CCDC3: variants seen among roughly 807,000 people sequenced by gnomAD.
CCDC3 encodes coiled-coil domain-containing protein 3.
A neutral mutation model predicts 21.4 loss-of-function variants in CCDC3; 24 were observed. The observed-to-expected ratio is 1.12, with a 90% confidence interval of 0.81 to 1.58. CCDC3 has a LOEUF of 1.58. Among genes scored for constraint, CCDC3 ranks in the 40% most tolerant of loss-of-function variants. The pLI, the probability that CCDC3 is intolerant of heterozygous loss-of-function variation, is 0.00. For missense variants in CCDC3, 425 were observed against 360.9 expected, an observed-to-expected ratio of 1.18 and a Z score of -1.44; for synonymous variants, 186 against 166.0, an observed-to-expected ratio of 1.12 and a Z score of -0.93.
intron 2 of CCDC3, among the ~76,000 whole-genome samples, chr10:12,920,742 G>C (rs919641779): frequency 6.6e-6 from 1 of 152,130 alleles, no homozygotes. Flanking sequence ...CATTCTCCCT[G>C]TTTTGTGGAT....
At chr10:13,048,511 C>G (rs181802786) in intron 5 of CCDC3, among the ~76,000 whole-genome samples, 1 of 152,070 alleles carries the variant, frequency 6.6e-6, no homozygotes, top group African/African-American at 2.4e-5. Flanking sequence ...AGTTTTTATT[C>G]TCCTTTTACA....
At chr10:12,938,245 T>A (rs1194331591) in intron 2 of CCDC3, among the ~76,000 whole-genome samples, 1 of 152,206 alleles carries the variant, frequency 6.6e-6, no homozygotes, top group Non-Finnish European at 1.5e-5. Context: ...TCTAACTGTA[T>A]CACCATCTAT....
intron 5 of CCDC3, among the ~76,000 whole-genome samples, chr10:13,038,556 G>A (rs1438451201): frequency 2.6e-5 from 4 of 152,150 alleles, no homozygotes; most frequent in Non-Finnish European, 5.9e-5. Context: ...AAATATATAG[G>A]ACTTGCTGAG....
intron 2 of CCDC3, among the ~76,000 whole-genome samples, chr10:12,910,636 G>A (rs1263721436): frequency 7.2e-6 from 1 of 139,382 alleles, no homozygotes; most frequent in African/African-American, 2.7e-5. Flanking sequence ...TTGACACAGA[G>A]TCTTGCTCTG....
At position 12,910,611 on chromosome 10, in the gene CCDC3, A is replaced by ATTTTT. The variant is rs11320030; in HGVS notation, c.550-11937_550-11933dup. Among the ~76,000 whole-genome samples, 991 of 105,186 alleles carry ATTTTT rather than the reference A, an allele frequency of 9.4e-3. 12 individuals carry two copies. The highest frequency in any genetic ancestry group is 0.03 in the Middle Eastern group (5 of 164). 69.0% of individuals were successfully genotyped at this position (105,186 alleles called of 152,430 possible). ...AGTCAGAGCAAAAAAAAAAAAAAAA[A>ATTTTT]TTTTTTTTTTTTTTTTGACACAGAG... On this transcript the variant is annotated intron_variant, in intron 2 of 2. Coordinates refer to ENST00000378825, the MANE Select transcript of CCDC3 (RefSeq NM_031455.4).
chr10:13,084,479 G>T (rs185619464), intron 3 of CCDC3, among the ~76,000 whole-genome samples: 2 of 151,870 alleles, frequency 1.3e-5, no homozygotes, highest in Non-Finnish European at 2.9e-5. Context: ...ATAGAGACAG[G>T]GTTCTCCATG....
intron 2 of CCDC3, among the ~76,000 whole-genome samples, chr10:12,974,979 C>G (rs183489802): frequency 6.0e-4 from 92 of 152,268 alleles, no homozygotes; most frequent in African/African-American, 1.9e-3. Flanking sequence ...AGGAATTATG[C>G]CCACCTCACA....
At chr10:12,906,398 G>A (rs955314307) in intron 2 of CCDC3, among the ~76,000 whole-genome samples, 3 of 152,224 alleles carry the variant, frequency 2.0e-5, no homozygotes, top group Non-Finnish European at 4.4e-5. Context: ...GATGGAGTCA[G>A]GGAAGAGGCT....
rs1834009157 is a variant in CCDC3, at chr10:12,896,836, AGC to A, written c.*1578_*1579del. On this transcript the variant is annotated 3_prime_UTR_variant, in exon 3 of 3. Transcript: ENST00000378825. ...TATTTCACCATACTATGGAGAATACAGCTAATGAAGTGGTGGCAGAAGCTTGG... is the reference window on the plus strand; with the variant it reads ...TATTTCACCATACTATGGAGAATACATAATGAAGTGGTGGCAGAAGCTTGG... 1 of 152,604 alleles carries A rather than the reference AGC, an allele frequency of 6.6e-6. No individual in the cohort carries two copies. The highest frequency in any genetic ancestry group is 2.4e-5 in the African/African-American group (1 of 41,468). The allele number at this position is 152,604 out of a possible 1,614,324, so 9.5% of individuals were successfully genotyped here. A position where few individuals can be genotyped will look rare whatever the true frequency, so the allele number is the denominator to read the frequency against.
intron 2 of CCDC3, among the ~76,000 whole-genome samples, chr10:12,918,245 T>C (rs1158678490): frequency 6.6e-6 from 1 of 152,230 alleles, no homozygotes; most frequent in African/African-American, 2.4e-5. Flanking sequence ...AAATTAGTTT[T>C]ATAATATATG....
intron 2 of CCDC3, among the ~76,000 whole-genome samples, chr10:12,910,611 A>AAATTT (rs1554753179): frequency 7.6e-5 from 8 of 105,176 alleles, no homozygotes; most frequent in African/African-American, 1.1e-4. Flanking sequence ...AAAAAAAAAA[A>AAATTT]TTTTTTTTTT....
At chr10:12,927,199 C>T (rs1188847936) in intron 2 of CCDC3, among the ~76,000 whole-genome samples, 1 of 152,212 alleles carries the variant, frequency 6.6e-6, no homozygotes, top group Non-Finnish European at 1.5e-5. Context: ...CTCACCACTA[C>T]TACAAGAATT....
At chr10:13,085,797 T>G (rs1028873587) in intron 3 of CCDC3, among the ~76,000 whole-genome samples, 1 of 152,002 alleles carries the variant, frequency 6.6e-6, no homozygotes, top group African/African-American at 2.4e-5. Flanking sequence ...CGAAACCCCA[T>G]CTCTATTAAA....
intron 2 of CCDC3, among the ~76,000 whole-genome samples, chr10:12,933,191 C>T (rs1170457544): frequency 6.6e-6 from 1 of 152,126 alleles, no homozygotes; most frequent in Non-Finnish European, 1.5e-5. Flanking sequence ...GAGATTCCCT[C>T]TACTTCTACC....
intron 2 of CCDC3, among the ~76,000 whole-genome samples, chr10:12,954,773 A>G (rs970708373): frequency 5.3e-5 from 8 of 152,220 alleles, no homozygotes; most frequent in South Asian, 2.1e-4. Context: ...AAATTTCAAC[A>G]TGGAATTTGG....
In CCDC3 at chr10:13,034,624, CT is replaced by C. The variant is rs531144505; in HGVS notation, c.-2+15049del. On this transcript the variant is annotated intron_variant, in intron 5 of 6. Transcript: ENST00000378839. ...TGTATTAACATTATTCCAATGGGAC[CT>C]TTTTTGTATTAGTTCAGTCCAGATT... Among the ~76,000 whole-genome samples, 196 of 151,922 alleles carry C rather than the reference CT, an allele frequency of 1.3e-3. 1 individual carries two copies. Among genetic ancestry groups the C allele is most frequent in the African/African-American group, 4.4e-3 (183 of 41,440 alleles).
At chr10:13,087,420 A>AAT (rs1554766695) in intron 3 of CCDC3, among the ~76,000 whole-genome samples, 10 of 149,424 alleles carry the variant, frequency 6.7e-5, no homozygotes, top group Non-Finnish European at 1.2e-4. Context: ...AAAAAAAAAA[A>AAT]TGGTGCTAGG....
chr10:13,059,349 G>A (rs907886824), intron 4 of CCDC3, among the ~76,000 whole-genome samples: 9 of 152,192 alleles, frequency 5.9e-5, no homozygotes, highest in Non-Finnish European at 7.4e-5. Flanking sequence ...CTTTGGATAT[G>A]AGATGAGAAG....
chr10:13,012,456 T>C (rs1040136541), intron 5 of CCDC3, among the ~76,000 whole-genome samples: 1 of 152,068 alleles, frequency 6.6e-6, no homozygotes, highest in Non-Finnish European at 1.5e-5. Context: ...TCACTAACCA[T>C]TAGAGAAATG....
Sources: gnomAD v4.1 joint callset for allele counts (sites outside exome capture counted in the v4.1 genomes callset) on GRCh38, gnomAD v4.1.1 for gene constraint, MANE v1.5 for transcripts, NCBI Gene and HGNC (gene_info 2026-07-23, HGNC 2026-07-21) for gene names.